The following MPC2 variants were observed in gnomAD, a reference collection of about 807,000 sequenced individuals.
The protein encoded by MPC2 is mitochondrial pyruvate carrier 2.
MPC2 carries 19 observed loss-of-function variants against 19.2 expected under a neutral mutation model. The observed-to-expected ratio is 0.99, with a 90% CI of 0.69 to 1.45. The LOEUF (loss-of-function observed/expected upper bound fraction) is 1.45. Among genes scored for constraint, MPC2 ranks in the 40% most tolerant of loss-of-function variants. The pLI, the probability that MPC2 is intolerant of heterozygous loss-of-function variation, is 0.00. For synonymous variants in MPC2, 61 were observed against 54.3 expected, an observed-to-expected ratio of 1.12 and a Z score of -0.54; for missense variants, 122 against 153.0, an observed-to-expected ratio of 0.80 and a Z score of 1.07.
At chr1:167,936,698 T>C (rs1453290314) in intron 1 of MPC2, 1 of 558,964 alleles carries the variant, frequency 1.8e-6, no homozygotes, top group Non-Finnish European at 3.2e-6. Context: ...TTCTGGTTAG[T>C]CTAAGAAGGA....
At chr1:167,922,505 T>G (rs564406571) in intron 3 of MPC2, among the ~76,000 whole-genome samples, 2 of 152,228 alleles carry the variant, frequency 1.3e-5, no homozygotes, top group Admixed American at 6.5e-5. Flanking sequence ...TACTATGTAA[T>G]TTTAAGTGTA....
chr1:167,931,497 A>C (rs1019244991), intron 2 of MPC2, among the ~76,000 whole-genome samples: 1 of 152,026 alleles, frequency 6.6e-6, no homozygotes, highest in African/African-American at 2.4e-5. Flanking sequence ...ACTTTAAAAA[A>C]TAATATATGT....
intron 3 of MPC2, among the ~76,000 whole-genome samples, chr1:167,924,070 T>C (rs1670671045): frequency 6.6e-6 from 1 of 152,236 alleles, no homozygotes. Flanking sequence ...CAAATGCTAA[T>C]ATTTATATTC....
chr1:167,935,821 T>C lies in MPC2; in HGVS notation c.21A>G (p.Arg7=). 1 of 1,553,550 alleles carries C rather than the reference T, an allele frequency of 6.4e-7. No homozygotes were observed. Among genetic ancestry groups the C allele is most frequent in the African/African-American group, 1.4e-5 (1 of 73,312 alleles). The change falls in exon 2 of 6, where the codon CGA becomes CGG. Residue 7 remains arginine (R), a synonymous_variant. Transcript: ENST00000271373. MSAAGA[R]GLRATYHRLL... ...GCCGGTGGTAGGTGGCCCGCAGGCCTCGGGCACCGGCGGCCGACATCGCCG... is the reference window on the plus strand; with the variant it reads ...GCCGGTGGTAGGTGGCCCGCAGGCCCCGGGCACCGGCGGCCGACATCGCCG...
chr1:167,932,263 T>C (rs1434949277), intron 2 of MPC2, among the ~76,000 whole-genome samples: 1 of 152,130 alleles, frequency 6.6e-6, no homozygotes, highest in East Asian at 1.9e-4. Flanking sequence ...TTATAAATCA[T>C]TTATATATTT....
At position 167,937,016 on chromosome 1, in the gene MPC2, G is replaced by A. The variant is rs1328370011; in HGVS notation, c.-135C>T. On this transcript the variant is annotated 5_prime_UTR_variant, in exon 1 of 6. Coordinates refer to ENST00000271373, the MANE Select transcript of MPC2 (RefSeq NM_001143674.4). Reference sequence around the variant, plus strand: ...TGCGGAGTCGCTACCTGGGTGAGCGGGGGCCCCGGGGCGGAGGCGCTGAGG... The same window carrying A: ...TGCGGAGTCGCTACCTGGGTGAGCGAGGGCCCCGGGGCGGAGGCGCTGAGG... 1 of 1,603,182 alleles carries A rather than the reference G, an allele frequency of 6.2e-7. No individual in the cohort carries two copies. The highest frequency in any genetic ancestry group is 1.7e-5 in the Admixed American group (1 of 58,512).
intron 2 of MPC2, among the ~76,000 whole-genome samples, chr1:167,925,441 A>ATGTG (rs1670711771): frequency 1.9e-5 from 1 of 53,526 alleles, no homozygotes; most frequent in African/African-American, 9.3e-5. Context: ...ATACATATAC[A>ATGTG]CATATATATA....
At chr1:167,922,465 G>A (rs1670625755) in intron 3 of MPC2, among the ~76,000 whole-genome samples, 1 of 151,948 alleles carries the variant, frequency 6.6e-6, no homozygotes. Context: ...GAATACTTCA[G>A]CAATCAATTC....
rs1320267472 is a variant in MPC2, at chr1:167,917,506, G to A, written c.*817C>T. The A allele has an allele frequency of 1.3e-5, 2 of 151,954 alleles. 1 individual carries two copies. Among genetic ancestry groups the A allele is most frequent in the South Asian group, 4.1e-4 (2 of 4,824 alleles). 9.4% of individuals were successfully genotyped at this position (151,954 alleles called of 1,614,324 possible). On this transcript the variant is annotated 3_prime_UTR_variant, in exon 6 of 6. Transcript: ENST00000271373. Reference sequence around the variant, plus strand: ...CCAGCTGCTCGGGAGGCTGAGGCAGGAGGATCACTTGAGCCCAGGAGGTAG... The same window carrying A: ...CCAGCTGCTCGGGAGGCTGAGGCAGAAGGATCACTTGAGCCCAGGAGGTAG...
intron 4 of MPC2, 88 bp from the exon 5 acceptor site, chr1:167,920,178 C>T: frequency 1.2e-6 from 1 of 817,894 alleles, no homozygotes. Context: ...GTAATTACAA[C>T]AATAATGTAG....
intron 2 of MPC2, among the ~76,000 whole-genome samples, chr1:167,928,920 A>G (rs1330433430): frequency 2.0e-5 from 3 of 152,256 alleles, no homozygotes; most frequent in Admixed American, 1.3e-4. Flanking sequence ...AAGATGAAAG[A>G]AATTGTCCAC....
At chr1:167,936,771 C>A in intron 1 of MPC2, 168 bp downstream of exon 1, 1 of 711,406 alleles carries the variant, frequency 1.4e-6, no homozygotes, top group Non-Finnish European at 2.3e-6. Context: ...GCCGCTGCTG[C>A]CACCGCCATC....
chr1:167,920,292 A>C (rs1670568697), intron 4 of MPC2, among the ~76,000 whole-genome samples: 1 of 152,214 alleles, frequency 6.6e-6, no homozygotes, highest in Non-Finnish European at 1.5e-5. Flanking sequence ...CTTTAAAGTG[A>C]CTATTAACTG....
intron 2 of MPC2, among the ~76,000 whole-genome samples, chr1:167,925,117 C>T (rs1033990403): frequency 2.6e-5 from 4 of 152,090 alleles, no homozygotes; most frequent in Admixed American, 2.6e-4. Flanking sequence ...CACAATTTAA[C>T]ATAGTCCTTG....
intron 2 of MPC2, among the ~76,000 whole-genome samples, chr1:167,924,895 G>A (rs1335077815): frequency 2.0e-5 from 3 of 152,138 alleles, no homozygotes; most frequent in Non-Finnish European, 4.4e-5. Flanking sequence ...TGAACCCAGT[G>A]ATAACACCCC....
intron 2 of MPC2, among the ~76,000 whole-genome samples, chr1:167,932,878 A>G (rs1670950566): frequency 1.3e-5 from 2 of 151,942 alleles, no homozygotes; most frequent in Admixed American, 6.6e-5. Context: ...CTTCAAGATT[A>G]TTTCTTTGAC....
intron 2 of MPC2, among the ~76,000 whole-genome samples, chr1:167,932,792 G>C (rs911192107): frequency 1.5e-5 from 2 of 129,932 alleles, no homozygotes; most frequent in African/African-American, 3.0e-5. Flanking sequence ...CTAGGGAACA[G>C]AGCAAGACTC....
At chr1:167,932,952 G>A (rs1320240836) in intron 2 of MPC2, among the ~76,000 whole-genome samples, 6 of 152,090 alleles carry the variant, frequency 3.9e-5, no homozygotes, top group Non-Finnish European at 7.4e-5. Flanking sequence ...AGTCAGGTGG[G>A]GGATAATGCG....
chr1:167,932,626 T>C (rs1670941288), intron 2 of MPC2, among the ~76,000 whole-genome samples: 1 of 151,940 alleles, frequency 6.6e-6, no homozygotes, highest in African/African-American at 2.4e-5. Flanking sequence ...CTGGCCAACA[T>C]GGGGAAACCC....
Sources: allele counts gnomAD v4.1 joint callset (sites outside exome capture counted in the v4.1 genomes callset), GRCh38; gene constraint gnomAD v4.1.1; transcripts MANE v1.5; gene names NCBI Gene and HGNC (gene_info 2026-07-23, HGNC 2026-07-21).